The following FRAS1 variants were observed in gnomAD, a reference collection of about 807,000 sequenced individuals.
The protein encoded by FRAS1 is Fraser extracellular matrix complex subunit 1, also known as extracellular matrix organizing protein FRAS1.
In FRAS1, 290 loss-of-function variants were observed where a neutral mutation model predicts 435.2. That is an observed-to-expected ratio of 0.67 (90% confidence interval 0.61 to 0.73). The LOEUF (loss-of-function observed/expected upper bound fraction) is 0.73, where lower values mean the gene tolerates loss of function less well. FRAS1 is among the 30% of genes least tolerant of loss of function. The probability of loss-of-function intolerance (pLI) is 0.00; values close to 1 mark genes in which losing one functional copy is unlikely to be tolerated. For synonymous variants in FRAS1, 1,800 were observed against 1,851.0 expected (o/e 0.97, Z 0.71); for missense variants, 4,860 against 5,001.5 (o/e 0.97, Z 0.85).
At chr4:78,512,500 T>G (rs1368867501) in intron 64 of FRAS1, among the ~76,000 whole-genome samples, 2 of 133,992 alleles carry the variant, frequency 1.5e-5, no homozygotes, top group African/African-American at 5.7e-5. Context: ...ACGCTCAAAG[T>G]TTAAACTGGT....
intron 2 of FRAS1, among the ~76,000 whole-genome samples, chr4:78,105,500 A>C (rs566468748): frequency 1.3e-5 from 2 of 152,220 alleles, no homozygotes; most frequent in East Asian, 3.9e-4. Flanking sequence ...GGGCCAGGGG[A>C]GGATATGAGG....
intron 2 of FRAS1, among the ~76,000 whole-genome samples, chr4:78,152,607 C>CTTTTTTTTTTT (rs71214398): frequency 1.2e-4 from 9 of 72,424 alleles, no homozygotes; most frequent in Admixed American, 3.9e-4. Context: ...ATGTAGGCTG[C>CTTTTTTTTTTT]TTTTTTTTTT....
At chr4:78,213,318 T>C (rs576653792) in intron 2 of FRAS1, among the ~76,000 whole-genome samples, 34 of 152,392 alleles carry the variant, frequency 2.2e-4, no homozygotes, top group Non-Finnish European at 1.9e-4. Context: ...CATGAACATA[T>C]TTCTCCTCCT....
chr4:78,189,775 A>C (rs1367581114), intron 2 of FRAS1, among the ~76,000 whole-genome samples: 1 of 152,210 alleles, frequency 6.6e-6, no homozygotes, highest in African/African-American at 2.4e-5. Context: ...CAGATTTCAC[A>C]AGTTCAAAAA....
chr4:78,316,914 CA>C (rs1162675759), intron 16 of FRAS1, among the ~76,000 whole-genome samples: 1 of 152,114 alleles, frequency 6.6e-6, no homozygotes, highest in Non-Finnish European at 1.5e-5. Context: ...CACTCTGACC[CA>C]TGGCCTTTCC....
At chr4:78,118,675 G>A (rs1042638478) in intron 2 of FRAS1, among the ~76,000 whole-genome samples, 6 of 151,220 alleles carry the variant, frequency 4.0e-5, no homozygotes, top group African/African-American at 9.9e-5. Flanking sequence ...GAAAAGCACA[G>A]TATCAGGGTG....
chr4:78,102,571 G>C (rs1477803339), intron 2 of FRAS1, among the ~76,000 whole-genome samples: 1 of 152,058 alleles, frequency 6.6e-6, no homozygotes, highest in Non-Finnish European at 1.5e-5. Context: ...TTTCCCAGGG[G>C]TATTTCAACT....
At chr4:78,238,628 A>T (rs1236345543) in intron 3 of FRAS1, among the ~76,000 whole-genome samples, 1 of 152,116 alleles carries the variant, frequency 6.6e-6, no homozygotes, top group African/African-American at 2.4e-5. Flanking sequence ...AAATTTGATA[A>T]GATTTTTATT....
At chr4:78,103,498 C>T (rs985929520) in intron 2 of FRAS1, among the ~76,000 whole-genome samples, 1 of 151,994 alleles carries the variant, frequency 6.6e-6, no homozygotes, top group Admixed American at 6.6e-5. Context: ...CAGGGATGTG[C>T]ATTTATGAAG....
intron 34 of FRAS1, among the ~76,000 whole-genome samples, chr4:78,424,136 T>C (rs558659305): frequency 6.6e-6 from 1 of 152,318 alleles, no homozygotes; most frequent in East Asian, 1.9e-4. Context: ...ATGAATGTAT[T>C]ATAAATCACG....
At chr4:78,186,081 T>C (rs1341793738) in intron 2 of FRAS1, among the ~76,000 whole-genome samples, 1 of 152,208 alleles carries the variant, frequency 6.6e-6, no homozygotes, top group Admixed American at 6.5e-5. Flanking sequence ...CATCAGAAAC[T>C]TGGGGTTTTC....
chr4:78,499,536 A>G (rs1720614064), intron 60 of FRAS1, among the ~76,000 whole-genome samples, 185 bp from the exon 61 acceptor site: 1 of 152,216 alleles, frequency 6.6e-6, no homozygotes, highest in Admixed American at 6.5e-5. Context: ...ACAAATAAAT[A>G]ATTTTTTCCA....
At chr4:78,532,320 A>G (rs538341717) in intron 70 of FRAS1, among the ~76,000 whole-genome samples, 21 of 152,110 alleles carry the variant, frequency 1.4e-4, no homozygotes, top group African/African-American at 4.8e-4. Context: ...GTCTTACTCC[A>G]TTGCCTGCTT....
At chr4:78,359,717 T>C (rs1447316590) in intron 20 of FRAS1, among the ~76,000 whole-genome samples, 1 of 152,198 alleles carries the variant, frequency 6.6e-6, no homozygotes, top group Non-Finnish European at 1.5e-5. Context: ...AGTTGAACTT[T>C]GCACACTCGA....
chr4:78,178,918 G>A (rs1369904147), intron 2 of FRAS1, among the ~76,000 whole-genome samples: 1 of 152,174 alleles, frequency 6.6e-6, no homozygotes, highest in Non-Finnish European at 1.5e-5. Context: ...TCAATAAAGG[G>A]TAGTTCCCAC....
intron 29 of FRAS1, among the ~76,000 whole-genome samples, chr4:78,388,812 T>C (rs961387333): frequency 6.6e-6 from 1 of 152,032 alleles, no homozygotes; most frequent in African/African-American, 2.4e-5. Context: ...TATCTCTAAA[T>C]AAATAAATAA....
In FRAS1 at chr4:78,541,343, T is replaced by C. The variant is rs145739907; in HGVS notation, c.*219T>C. ...CAGTTATTTCCGTAGATCCCTTTAA[T>C]AGTGTCAACAACTGTACACAGCTCC... On this transcript the variant is annotated 3_prime_UTR_variant, in exon 74 of 74. Transcript: ENST00000512123. The C allele has an allele frequency of 2.5e-4, 93 of 377,498 alleles. 2 individuals carry two copies. The highest frequency in any genetic ancestry group is 1.8e-3 in the Admixed American group (42 of 23,532). 23.4% of individuals were successfully genotyped at this position (377,498 alleles called of 1,614,324 possible). A position where few individuals can be genotyped will look rare whatever the true frequency, so the allele number is the denominator to read the frequency against.
intron 71 of FRAS1, among the ~76,000 whole-genome samples, chr4:78,535,197 A>T (rs896759194): frequency 3.3e-5 from 5 of 151,990 alleles, no homozygotes; most frequent in African/African-American, 4.8e-5. Context: ...CCTGGCCTCC[A>T]TCCTCTGCCC....
intron 45 of FRAS1, among the ~76,000 whole-genome samples, chr4:78,451,257 T>C (rs1193933533): frequency 6.6e-6 from 1 of 152,212 alleles, no homozygotes; most frequent in Non-Finnish European, 1.5e-5. Flanking sequence ...CTTCTCCTTT[T>C]AGATCCTTTT....
Sources: allele counts gnomAD v4.1 joint callset (sites outside exome capture counted in the v4.1 genomes callset), GRCh38; gene constraint gnomAD v4.1.1; transcripts MANE v1.5; gene names NCBI Gene and HGNC (gene_info 2026-07-23, HGNC 2026-07-21).